GRIA2: variants seen among roughly 807,000 people sequenced by gnomAD.
GRIA2 encodes the protein glutamate receptor 2.
Under a neutral mutation model 97.3 loss-of-function variants are expected in GRIA2, and 14 were observed. That is an observed-to-expected ratio of 0.14 (90% CI 0.10 to 0.23). GRIA2 has a LOEUF of 0.23. Ranked by LOEUF, GRIA2 falls within the 10% of genes least tolerant of loss-of-function variation. The probability of loss-of-function intolerance (pLI) is 1.00; values close to 1 mark genes in which losing one functional copy is unlikely to be tolerated. For synonymous variants in GRIA2, 412 were observed against 387.8 expected, an observed-to-expected ratio of 1.06 and a Z score of -0.73; for missense variants, 558 against 1,069.8, an observed-to-expected ratio of 0.52 and a Z score of 6.67.
At chr4:157,313,584 A>G (rs1289557603) in intron 4 of GRIA2, among the ~76,000 whole-genome samples, 2 of 152,066 alleles carry the variant, frequency 1.3e-5, no homozygotes, top group South Asian at 2.1e-4. Context: ...TCTTAATAAT[A>G]CAGGTAAAAT....
At position 157,333,006 on chromosome 4, in the gene GRIA2, C is replaced by T. The variant is rs775036710; in HGVS notation, c.1050+20C>T. On this transcript the variant is annotated intron_variant, in intron 7 of 15. Transcript: ENST00000264426. ...AAACAGGTCAGTTACTCAAAATAAT[C>T]GTTAACGTGACTTAATATGGCCATT... The T allele has an allele frequency of 2.6e-6, 4 of 1,565,438 alleles. No individual in the cohort carries two copies. The highest frequency in any genetic ancestry group is 3.8e-5 in the Admixed American group (2 of 53,324).
At chr4:157,277,994 C>T (rs1395963661) in intron 2 of GRIA2, among the ~76,000 whole-genome samples, 4 of 150,202 alleles carry the variant, frequency 2.7e-5, no homozygotes, top group Non-Finnish European at 4.4e-5. Context: ...GGAAGATATT[C>T]CATATTCATG....
At chr4:157,240,068 C>A (rs1579296210) in intron 2 of GRIA2, among the ~76,000 whole-genome samples, 1 of 151,778 alleles carries the variant, frequency 6.6e-6, no homozygotes. Context: ...CTTATTTCTT[C>A]ATATGCTTTA....
rs943824120 is a variant in GRIA2, at chr4:157,237,351, GT to G, written c.229+15545del. Among the ~76,000 whole-genome samples, 87 of 150,572 alleles carry G rather than the reference GT, an allele frequency of 5.8e-4. 1 individual carries two copies. Among genetic ancestry groups the G allele is most frequent in the African/African-American group, 2.1e-3 (86 of 40,930 alleles). ...TGTCATCCACCCAGGCTGGAGTGCA[GT>G]GGCATGATCATGGCTCACTGTAACC... On this transcript the variant is annotated intron_variant, in intron 2 of 15. Coordinates refer to ENST00000264426, the MANE Select transcript of GRIA2 (RefSeq NM_001083619.3).
At chr4:157,225,388 C>T (rs1002750503) in intron 2 of GRIA2, among the ~76,000 whole-genome samples, 3 of 151,900 alleles carry the variant, frequency 2.0e-5, no homozygotes, top group Non-Finnish European at 4.4e-5. Flanking sequence ...CCCTCCCTGT[C>T]TTCTTAGCTG....
At chr4:157,277,306 A>G (rs1378511063) in intron 2 of GRIA2, among the ~76,000 whole-genome samples, 1 of 151,976 alleles carries the variant, frequency 6.6e-6, no homozygotes, top group Admixed American at 6.6e-5. Context: ...TATCATATGC[A>G]GAAAAAGCAT....
chr4:157,319,357 A>G (rs1734459450), intron 5 of GRIA2, among the ~76,000 whole-genome samples: 1 of 152,214 alleles, frequency 6.6e-6, no homozygotes, highest in Admixed American at 6.5e-5. Context: ...CCTCAATTTG[A>G]GAGCTGATAT....
At chr4:157,259,178 T>C (rs1026173629) in intron 2 of GRIA2, among the ~76,000 whole-genome samples, 5 of 152,184 alleles carry the variant, frequency 3.3e-5, no homozygotes, top group Middle Eastern at 3.4e-3. Context: ...CAGTATGCCA[T>C]GCTTGAGCCA....
In GRIA2 at chr4:157,303,689, C is replaced by G. The variant is rs1733714474; in HGVS notation, c.367C>G (p.Pro123Ala). ...TPSFPTDGTH[P>A]FVIQMRPDLK... ...CAGCTTCCCAACAGATGGCACACAT[C>G]CATTTGTCATTCAGATGAGACCCGA... Residue 123 changes from proline (P) to alanine (A), a missense_variant, in exon 3 of 16, where the codon CCA becomes GCA. Physicochemically the swap from Pro to Ala is conservative, Grantham distance 27. Coordinates refer to ENST00000264426, the MANE Select transcript of GRIA2 (RefSeq NM_001083619.3). 2 of 1,614,086 alleles carry G rather than the reference C, an allele frequency of 1.2e-6. No individual in the cohort carries two copies. Among genetic ancestry groups the G allele is most frequent in the East Asian group, 4.5e-5 (2 of 44,872 alleles).
At position 157,359,982 on chromosome 4, in the gene GRIA2, G is replaced by T. The variant is rs1245771343; in HGVS notation, c.2130G>T (p.Gly710=). ...PSVFVRTTAE[G]VARVRKSKGK... is the part of the protein sequence containing the mutation. ...TGTTTGTGAGGACTACGGCCGAAGG[G>T]GTGGCTAGAGTGCGGAAGTCCAAAG... The change falls in exon 13 of 16, where the codon GGG becomes GGT. Residue 710 remains glycine (G), a synonymous_variant. Transcript: ENST00000264426. 1.2e-6 allele frequency: 2 copies of T among 1,613,940 alleles called. No homozygotes were observed. Among genetic ancestry groups the T allele is most frequent in the Admixed American group, 1.7e-5 (1 of 59,986 alleles).
intron 2 of GRIA2, among the ~76,000 whole-genome samples, chr4:157,265,127 T>G (rs1162222384): frequency 1.3e-5 from 2 of 152,128 alleles, no homozygotes; most frequent in African/African-American, 4.8e-5. Flanking sequence ...CATTTATCTA[T>G]TAATTAGTAA....
At chr4:157,231,327 C>T (rs975300524) in intron 2 of GRIA2, among the ~76,000 whole-genome samples, 1 of 152,170 alleles carries the variant, frequency 6.6e-6, no homozygotes, top group African/African-American at 2.4e-5. Flanking sequence ...ACGTGAGCCA[C>T]CATGCCTGGT....
intron 7 of GRIA2, 79 bp downstream of exon 7, chr4:157,333,065 T>A (rs78067001): frequency 1.7e-6 from 2 of 1,185,470 alleles, no homozygotes; most frequent in African/African-American, 3.1e-5. Flanking sequence ...GTCATCCTTG[T>A]CTTATTCCTT....
intron 4 of GRIA2, among the ~76,000 whole-genome samples, chr4:157,313,522 C>T (rs1412408464): frequency 1.3e-5 from 2 of 152,090 alleles, no homozygotes; most frequent in African/African-American, 4.8e-5. Context: ...TGCTTAGATA[C>T]TACCTTGCTT....
intron 2 of GRIA2, among the ~76,000 whole-genome samples, chr4:157,237,092 A>T (rs1730286247): frequency 6.6e-6 from 1 of 151,856 alleles, no homozygotes; most frequent in Non-Finnish European, 1.5e-5. Flanking sequence ...ACCGTAGTTT[A>T]TTTTTTTTAA....
chr4:157,288,366 T>C (rs1732942083), intron 2 of GRIA2, among the ~76,000 whole-genome samples: 1 of 151,714 alleles, frequency 6.6e-6, no homozygotes, highest in South Asian at 2.1e-4. Flanking sequence ...TTATTTTTTC[T>C]CTTTTAATCT....
intron 2 of GRIA2, among the ~76,000 whole-genome samples, chr4:157,228,844 C>G (rs1308591797): frequency 6.7e-6 from 1 of 149,198 alleles, no homozygotes; most frequent in Non-Finnish European, 1.5e-5. Context: ...CACCTCCCCC[C>G]ACCAAAAAAA....
intron 2 of GRIA2, among the ~76,000 whole-genome samples, chr4:157,264,483 C>T (rs979483118): frequency 6.6e-6 from 1 of 152,032 alleles, no homozygotes; most frequent in East Asian, 1.9e-4. Context: ...TTACAAGAAC[C>T]CTTACAATTA....
At chr4:157,224,157 T>C (rs1729639202) in intron 2 of GRIA2, among the ~76,000 whole-genome samples, 2 of 152,124 alleles carry the variant, frequency 1.3e-5, no homozygotes, top group African/African-American at 2.4e-5. Flanking sequence ...CACAGTTTTT[T>C]CCCCTCCTCA....
Sources: allele counts gnomAD v4.1 joint callset (sites outside exome capture counted in the v4.1 genomes callset), GRCh38; gene constraint gnomAD v4.1.1; transcripts MANE v1.5; gene names NCBI Gene and HGNC (gene_info 2026-07-23, HGNC 2026-07-21).